UFSP2: variants seen among roughly 807,000 people sequenced by gnomAD.
UFSP2 encodes ufm1-specific protease 2.
Under a neutral mutation model 60.2 loss-of-function variants are expected in UFSP2, and 43 were observed. The ratio of observed to expected loss-of-function variants is 0.71; its 90% CI spans 0.56 to 0.92. The LOEUF is 0.92. Among genes scored for constraint, UFSP2 ranks in the 40% least tolerant of loss-of-function variants. The pLI is 0.00. For synonymous variants in UFSP2, 183 were observed against 195.1 expected (o/e 0.94, Z 0.52); for missense variants, 520 against 575.0 (o/e 0.90, Z 0.98).
At position 185,399,629 on chromosome 4, in the gene UFSP2, A is replaced by G; in HGVS notation, c.*763T>C. On this transcript the variant is annotated 3_prime_UTR_variant, in exon 12 of 12. Coordinates refer to ENST00000264689, the MANE Select transcript of UFSP2 (RefSeq NM_018359.5). ...CTCGCTTGGTCATGTGGATTTCCAG[A>G]CTGTGCCAAGTTTCTTACAACAATT... is the stretch of plus-strand genomic sequence containing the variant. 1.2e-6 allele frequency: 2 copies of G among 1,614,200 alleles called. No homozygotes were observed. The highest frequency in any genetic ancestry group is 1.6e-4 in the Middle Eastern group (1 of 6,062).
intron 4 of UFSP2, among the ~76,000 whole-genome samples, chr4:185,417,774 T>C (rs960024654): frequency 2.0e-5 from 3 of 152,150 alleles, no homozygotes; most frequent in Non-Finnish European, 4.4e-5. Flanking sequence ...CCGGGCGCGG[T>C]GGCTCACACC....
intron 1 of UFSP2, among the ~76,000 whole-genome samples, chr4:185,424,311 A>C (rs2095555124): frequency 6.6e-6 from 1 of 152,136 alleles, no homozygotes; most frequent in Non-Finnish European, 1.5e-5. Context: ...GTCTCCAAAA[A>C]ACAAAATAAA....
intron 9 of UFSP2, 93 bp from the exon 10 acceptor site, chr4:185,405,949 T>C (rs2095519860): frequency 1.9e-6 from 3 of 1,597,512 alleles, no homozygotes; most frequent in East Asian, 2.3e-5. Context: ...TTCTTGTTTT[T>C]TCGGGTGTTA....
At chr4:185,412,864 C>T (rs1025547313) in intron 7 of UFSP2, among the ~76,000 whole-genome samples, 4 of 152,112 alleles carry the variant, frequency 2.6e-5, no homozygotes, top group African/African-American at 9.7e-5. Flanking sequence ...CTTATAAGGT[C>T]CTTTCTCACT....
At chr4:185,408,114 G>C in intron 8 of UFSP2, 54 bp from the exon 9 acceptor site, 1 of 1,583,890 alleles carries the variant, frequency 6.3e-7, no homozygotes, top group African/African-American at 1.3e-5. Context: ...TATTAAAAAC[G>C]ATGTTTAGGG....
intron 7 of UFSP2, among the ~76,000 whole-genome samples, chr4:185,410,210 T>A (rs1026703389): frequency 6.6e-6 from 1 of 151,984 alleles, no homozygotes; most frequent in Admixed American, 6.6e-5. Flanking sequence ...AACAAACACT[T>A]CTAAATAATA....
At chr4:185,402,382 G>GT (rs1368239543) in intron 11 of UFSP2, 4 of 446,766 alleles carry the variant, frequency 9.0e-6, no homozygotes, top group Non-Finnish European at 1.8e-5. Flanking sequence ...ACTTAAAACT[G>GT]TAACAACACA....
intron 11 of UFSP2, among the ~76,000 whole-genome samples, chr4:185,402,817 TAGTTTA>T (rs1479349494): frequency 1.3e-5 from 2 of 152,244 alleles, no homozygotes; most frequent in African/African-American, 4.8e-5. Context: ...CTTTAGTTTA[TAGTTTA>T]AAAGGTGGTT....
intron 10 of UFSP2, among the ~76,000 whole-genome samples, chr4:185,403,966 C>CAAAAAAAAAAAAA (rs779330516): frequency 1.2e-5 from 1 of 85,110 alleles, no homozygotes. Flanking sequence ...GCAAGACTCT[C>CAAAAAAAAAAAAA]AAAAAAAAAA....
chr4:185,402,439 C>T (rs6552880), intron 11 of UFSP2: 351,132 of 384,658 alleles, frequency 0.91, 160,528 homozygotes, highest in East Asian at 0.99. Flanking sequence ...CAAAAGACTT[C>T]AGTAAACTGA....
intron 10 of UFSP2, among the ~76,000 whole-genome samples, chr4:185,405,196 C>T (rs372661891): frequency 6.6e-6 from 1 of 150,942 alleles, no homozygotes; most frequent in East Asian, 1.9e-4. Context: ...GGTAGAGACG[C>T]GGTCTGGCCC....
At chr4:185,412,832 T>C (rs796252938) in intron 7 of UFSP2, among the ~76,000 whole-genome samples, 7 of 152,246 alleles carry the variant, frequency 4.6e-5, no homozygotes, top group African/African-American at 1.7e-4. Flanking sequence ...CCAGCTCTAT[T>C]GGTATTCCTA....
intron 11 of UFSP2, among the ~76,000 whole-genome samples, chr4:185,400,881 G>A (rs1319882075): frequency 2.0e-5 from 3 of 152,208 alleles, no homozygotes; most frequent in Non-Finnish European, 2.9e-5. Context: ...TTGAAGTACT[G>A]TAGTGAGAAA....
rs1307935475 is a variant in UFSP2, at chr4:185,413,847, G to A, written c.710C>T (p.Pro237Leu). The A allele has an allele frequency of 6.2e-7, 1 of 1,608,972 alleles. No individual in the cohort carries two copies. Among genetic ancestry groups the A allele is most frequent in the Non-Finnish European group, 8.5e-7 (1 of 1,178,318 alleles). Residue 237 changes from proline (P) to leucine (L), a missense_variant, in exon 7 of 12, where the codon CCT becomes CTT. Physicochemically the swap from Pro to Leu is moderately conservative, Grantham distance 98. Transcript: ENST00000264689. ...RKELHDLFNLPHDRPYFKRSN... is the reference protein window; with the variant it reads ...RKELHDLFNLLHDRPYFKRSN... ...CCTTTTGAAATAGGGTCTGTCGTGA[G>A]GCAGATTGAAAAGATCATGTAACTC...
chr4:185,402,270 A>C, intron 11 of UFSP2: 1 of 454,558 alleles, frequency 2.2e-6, no homozygotes, highest in Non-Finnish European at 4.4e-6. Flanking sequence ...GCTACAGAAC[A>C]AGAATATTGC....
intron 1 of UFSP2, 113 bp from the exon 2 acceptor site, chr4:185,422,676 A>G (rs529494067): frequency 4.2e-5 from 32 of 754,176 alleles, no homozygotes; most frequent in South Asian, 3.0e-4. Context: ...TGATTCTTCA[A>G]ATTATTTCAT....
intron 2 of UFSP2, among the ~76,000 whole-genome samples, chr4:185,421,731 A>G (rs1041360078): frequency 6.6e-6 from 1 of 152,208 alleles, no homozygotes; most frequent in East Asian, 1.9e-4. Flanking sequence ...AGACTAATAC[A>G]GTACTTTTAA....
intron 9 of UFSP2, among the ~76,000 whole-genome samples, chr4:185,407,117 C>A (rs1459762882): frequency 7.9e-6 from 1 of 125,978 alleles, no homozygotes; most frequent in African/African-American, 3.1e-5. Flanking sequence ...GTGGCATGAT[C>A]TTGGCTCACT....
At chr4:185,409,441 C>T (rs1022982194) in intron 7 of UFSP2, among the ~76,000 whole-genome samples, 1 of 152,110 alleles carries the variant, frequency 6.6e-6, no homozygotes, top group African/African-American at 2.4e-5. Context: ...CCTCCTGCCT[C>T]AGCCTCCTGA....
Sources: allele counts gnomAD v4.1 joint callset (sites outside exome capture counted in the v4.1 genomes callset), GRCh38; gene constraint gnomAD v4.1.1; transcripts MANE v1.5; gene names NCBI Gene and HGNC (gene_info 2026-07-23, HGNC 2026-07-21).